The following TUBGCP6 variants were observed in gnomAD, a reference collection of about 807,000 sequenced individuals.
The protein encoded by TUBGCP6 is gamma-tubulin complex component 6.
In TUBGCP6, 161 loss-of-function variants were observed where a neutral mutation model predicts 175.8. That is an observed-to-expected ratio of 0.92 (90% CI 0.81 to 1.04). TUBGCP6 has a LOEUF of 1.04. TUBGCP6 is among the 50% of genes least tolerant of loss of function. TUBGCP6 has a pLI of 0.00. For missense variants in TUBGCP6, 2,572 were observed against 2,433.0 expected (o/e 1.06, Z -1.20); for synonymous variants, 1,173 against 1,030.5 (o/e 1.14, Z -2.65).
In TUBGCP6 at chr22:50,221,415, G is replaced by C. The variant is rs768760174; in HGVS notation, c.2944C>G (p.Leu982Val). The C allele has an allele frequency of 1.9e-6, 3 of 1,602,490 alleles. No homozygotes were observed. The highest frequency in any genetic ancestry group is 2.2e-5 in the East Asian group (1 of 44,590). ...AAECSLGSSG[L>V]QLWEDSCGKM... is the part of the protein sequence containing the mutation. ...CCACAACTGTCCTCCCACAGCTGTA[G>C]CCCTGAGCTGCCCAAGCTGCACTCT... The change falls in exon 16 of 25, where the codon CTA becomes GTA. Residue 982 changes from leucine (L) to valine (V), a missense_variant. Coordinates refer to ENST00000248846, the MANE Select transcript of TUBGCP6 (RefSeq NM_020461.4).
In TUBGCP6 at chr22:50,222,582, C is replaced by T. The variant is rs570048041; in HGVS notation, c.2281G>A (p.Val761Ile). The change falls in exon 14 of 25, where the codon GTC becomes ATC. Residue 761 changes from valine (V) to isoleucine (I), a missense_variant. Transcript: ENST00000248846. ...GCAGAGAGCTTGCTGTAGTGGTCGA[C>T]CAGTGCCTGCCTGAAGCCACACACC... ...ELERKARQAL[V>I]DHYSKLSAEA... 1.2e-6 allele frequency: 2 copies of T among 1,611,342 alleles called. No individual in the cohort carries two copies. The highest frequency in any genetic ancestry group is 4.5e-5 in the East Asian group (2 of 44,900).
Position 50,218,979 on chromosome 22 carries a change from A to G in TUBGCP6, c.4627-82T>C, listed in dbSNP as rs949561836. On this transcript the variant is annotated intron_variant, in intron 20 of 24. Transcript: ENST00000248846. ...CCGGCACCCCATGGGGCTGTGCCAG[A>G]GCAGCAGGGGGCTGTGGGCGTGCAG... 1.3e-5 allele frequency: 21 copies of G among 1,591,022 alleles called. No individual in the cohort carries two copies. The Admixed American group carries it at 3.2e-4, about 24-fold the overall frequency.
rs533484048 is a variant in TUBGCP6, at chr22:50,235,146, C to T, written c.906-1620G>A. On this transcript the variant is annotated intron_variant, in intron 2 of 24. Coordinates refer to ENST00000248846, the MANE Select transcript of TUBGCP6 (RefSeq NM_020461.4). ...TCCACACCCGTGTCCATGGCAGCAT[C>T]CACACCCCAGTCCATGGCAGCATCT... 1.4e-4 allele frequency among the ~76,000 whole-genome samples: 21 copies of T among 151,136 alleles called. No individual in the cohort carries two copies. In the East Asian group the frequency reaches 4.1e-3, roughly 29 times the overall value.
intron 2 of TUBGCP6, among the ~76,000 whole-genome samples, chr22:50,235,162 G>A (rs1372751795): frequency 6.7e-6 from 1 of 149,568 alleles, no homozygotes; most frequent in African/African-American, 2.5e-5. Context: ...CCCAGTCCAT[G>A]GCAGCATCTA....
Position 50,224,428 on chromosome 22 carries a change from G to A in TUBGCP6, c.2066-8C>T. The A allele has an allele frequency of 1.9e-6, 3 of 1,614,158 alleles. No individual in the cohort carries two copies. The highest frequency in any genetic ancestry group is 2.5e-6 in the Non-Finnish European group (3 of 1,180,036). ...GTTCTGACATCTGCCGGTCTACATTGGGACAGTAAGGGGCGCACTGTCACA... is the reference window on the plus strand; with the variant it reads ...GTTCTGACATCTGCCGGTCTACATTAGGACAGTAAGGGGCGCACTGTCACA... On this transcript the variant is annotated splice_region_variant and splice_polypyrimidine_tract_variant and intron_variant, in intron 11 of 24. Coordinates refer to ENST00000248846, the MANE Select transcript of TUBGCP6 (RefSeq NM_020461.4).
In TUBGCP6 at chr22:50,224,371, C is replaced by T. The variant is rs1393665787; in HGVS notation, c.2115G>A (p.Gln705=). Residue 705 remains glutamine, a synonymous_variant, in exon 12 of 25, where the codon CAG becomes CAA. Transcript: ENST00000248846. ...CAAATTGTTCTTTCAGCCTCTGAAA[C>T]TGCTCACGCTTCCGGGCATCCAAGG... The part of the protein sequence containing the change: ...RMALDARKRE[Q]FQRLKEQFVK... 3.1e-6 allele frequency: 5 copies of T among 1,614,140 alleles called. No homozygotes were observed. The Admixed American group carries it at 8.3e-5, about 27-fold the overall frequency.
At position 50,224,313 on chromosome 22, in the gene TUBGCP6, A is replaced by C; in HGVS notation, c.2154+19T>G. On this transcript the variant is annotated intron_variant, in intron 12 of 24. Transcript: ENST00000248846. ...TCAGAACTGACAGGCGTGACCCCGC[A>C]GGGACAGGTCCTACCCACCTCCTGG... 1 of 1,614,212 alleles carries C rather than the reference A, an allele frequency of 6.2e-7. No individual in the cohort carries two copies. Among genetic ancestry groups the C allele is most frequent in the African/African-American group, 1.3e-5 (1 of 75,054 alleles).
chr22:50,225,666 C>T, intron 10 of TUBGCP6, 128 bp downstream of exon 10: 2 of 1,298,334 alleles, frequency 1.5e-6, no homozygotes, highest in Non-Finnish European at 2.0e-6. Context: ...CAGGCCACCG[C>T]CAGGACAGAA....
At chr22:50,243,688 G>A in intron 1 of TUBGCP6, 31 bp downstream of exon 1, 5 of 1,566,252 alleles carry the variant, frequency 3.2e-6, no homozygotes, top group East Asian at 2.3e-5. Flanking sequence ...AACCCCGAGA[G>A]AGATGAAAGA....
chr22:50,219,231 C>T, intron 19 of TUBGCP6, 22 bp from the exon 20 acceptor site: 1 of 1,610,552 alleles, frequency 6.2e-7, no homozygotes, highest in Non-Finnish European at 8.5e-7. Context: ...GAGCTGGAGT[C>T]AGGGCGGGCC....
Position 50,244,641 on chromosome 22 carries a change from TAAACACGCCCTGCCCTCCCCAGTCC to T in TUBGCP6, c.-207_-183del. On this transcript the variant is annotated 5_prime_UTR_variant, in exon 1 of 25. Coordinates refer to ENST00000248846, the MANE Select transcript of TUBGCP6 (RefSeq NM_020461.4). ...GGTCTTGCGGTTGCTCTACTCAGAG[TAAACACGCCCTGCCCTCCCCAGTCC>T]AAGCACGCTGCCCGGCGCCCGGCAG... The T allele has an allele frequency of 1.9e-6, 2 of 1,035,718 alleles. No homozygotes were observed. The highest frequency in any genetic ancestry group is 2.7e-6 in the Non-Finnish European group (2 of 740,408). The allele number at this position is 1,035,718 out of a possible 1,614,324, so 64.2% of individuals were successfully genotyped here. A position where few individuals can be genotyped will look rare whatever the true frequency, so the allele number is the denominator to read the frequency against.
rs192962671 is a variant in TUBGCP6, at chr22:50,243,187, C to T, written c.741+532G>A. ...AAAATTAGTTGGGCATGGTGGCTCACGCCTGTAATCCCAGCACTTTGGGAG... is the reference window on the plus strand; with the variant it reads ...AAAATTAGTTGGGCATGGTGGCTCATGCCTGTAATCCCAGCACTTTGGGAG... On this transcript the variant is annotated intron_variant, in intron 1 of 24. Coordinates refer to ENST00000248846, the MANE Select transcript of TUBGCP6 (RefSeq NM_020461.4). Among the ~76,000 whole-genome samples the T allele has an allele frequency of 4.7e-3, 710 of 151,792 alleles. 6 individuals carry two copies. Among genetic ancestry groups the T allele is most frequent in the African/African-American group, 0.016 (674 of 41,386 alleles).
chr22:50,217,897 C>A (rs753927243), intron 24 of TUBGCP6, 21 bp downstream of exon 24: 1 of 1,605,720 alleles, frequency 6.2e-7, no homozygotes, highest in South Asian at 1.1e-5. Context: ...CCGCAGCCCT[C>A]CCAGCCAGGG....
intron 2 of TUBGCP6, among the ~76,000 whole-genome samples, chr22:50,235,025 C>G (rs2064752547): frequency 6.8e-6 from 1 of 147,920 alleles, no homozygotes; most frequent in African/African-American, 2.5e-5. Context: ...CATCCACCCC[C>G]TGTCCACGGC....
rs375147846 is a variant in TUBGCP6, at chr22:50,229,473, G to A, written c.1221C>T (p.Tyr407=). 3.1e-6 allele frequency: 5 copies of A among 1,613,076 alleles called. No individual in the cohort carries two copies. The highest frequency in any genetic ancestry group is 4.2e-6 in the Non-Finnish European group (5 of 1,179,778). The change falls in exon 4 of 25, where the codon TAC becomes TAT. Residue 407 remains tyrosine (Y), a synonymous_variant. Transcript: ENST00000248846. ...LSEVAEYGTC[Y]TRLSHFSLQP... is the part of the protein sequence containing the mutation. Reference sequence around the variant, plus strand: ...GCAGAGAGAAATGACTCAGGCGCGTGTAGCAGGTCCCATACTCGGCCACTT... The same window carrying A: ...GCAGAGAGAAATGACTCAGGCGCGTATAGCAGGTCCCATACTCGGCCACTT...
At chr22:50,226,638 C>A in intron 7 of TUBGCP6, 95 bp downstream of exon 7, 2 of 1,130,666 alleles carry the variant, frequency 1.8e-6, no homozygotes, top group East Asian at 2.6e-5. Context: ...TCCTGTGTGA[C>A]CCCCACATTC....
rs2064568650 is a variant in TUBGCP6, at chr22:50,224,088, T to C, written c.2270+53A>G. ...ATCATCAGTAAGATTAAGCCAGAGC[T>C]ATGGGGCCCCTGCCGCACTGCACCC... is the stretch of plus-strand genomic sequence containing the variant. On this transcript the variant is annotated intron_variant, in intron 13 of 24. Coordinates refer to ENST00000248846, the MANE Select transcript of TUBGCP6 (RefSeq NM_020461.4). The C allele has an allele frequency of 9.8e-6, 15 of 1,523,232 alleles. No individual in the cohort carries two copies. The East Asian group carries it at 1.8e-4, about 18-fold the overall frequency. 94.4% of individuals were successfully genotyped at this position (1,523,232 alleles called of 1,614,324 possible).
chr22:50,236,371 G>A (rs1397576908), intron 2 of TUBGCP6, among the ~76,000 whole-genome samples: 1 of 152,070 alleles, frequency 6.6e-6, no homozygotes, highest in Non-Finnish European at 1.5e-5. Context: ...TCTTGACCTC[G>A]TGATCCGCCC....
Position 50,218,590 on chromosome 22 carries a change from C to T in TUBGCP6, c.4852G>A (p.Glu1618Lys), listed in dbSNP as rs756859244. 26 of 1,613,614 alleles carry T rather than the reference C, an allele frequency of 1.6e-5. No homozygotes were observed. The highest frequency in any genetic ancestry group is 1.6e-4 in the Middle Eastern group (1 of 6,062). ...VDWPLNIVIT[E>K]GCVSKYSGVF... Reference sequence around the variant, plus strand: ...CCGCTGTACTTGCTCACGCAGCCCTCGGTGATGACAATGTTGAGAGGCCAG... The same window carrying T: ...CCGCTGTACTTGCTCACGCAGCCCTTGGTGATGACAATGTTGAGAGGCCAG... The change falls in exon 22 of 25, where the codon GAG (glutamate) becomes AAG (lysine). Residue 1618 changes from glutamate (E) to lysine (K), a missense_variant. By Grantham distance (56) the Glu-to-Lys change is moderately conservative. Transcript: ENST00000248846.
Sources: allele counts gnomAD v4.1 joint callset (sites outside exome capture counted in the v4.1 genomes callset), GRCh38; gene constraint gnomAD v4.1.1; transcripts MANE v1.5; gene names NCBI Gene and HGNC (gene_info 2026-07-23, HGNC 2026-07-21).